NAV1: variants seen among roughly 807,000 people sequenced by gnomAD.
NAV1 encodes the protein neuron navigator 1.
NAV1 carries 18 observed loss-of-function variants against 175.2 expected under a neutral mutation model. The observed-to-expected ratio is 0.10, with a 90% CI of 0.07 to 0.15. NAV1 has a LOEUF of 0.15. Ranked by LOEUF, NAV1 falls within the 10% of genes least tolerant of loss-of-function variation. NAV1 has a pLI of 1.00. For synonymous variants in NAV1, 897 were observed against 978.7 expected, an observed-to-expected ratio of 0.92 and a Z score of 1.56; for missense variants, 1,731 against 2,436.6, an observed-to-expected ratio of 0.71 and a Z score of 6.10.
At chr1:201,643,307 TTTTC>T (rs371103162), upstream of NAV1, among the ~76,000 whole-genome samples, 279 of 147,722 alleles carry the variant, frequency 1.9e-3, 1 homozygote, top group South Asian at 4.3e-3. Context: ...TTCTCTTTCT[TTTTC>T]TTTCTTTCTT....
At chr1:201,611,391 T>G (rs138034517) in intron 2 of NAV1, among the ~76,000 whole-genome samples, 3,957 of 152,288 alleles carry the variant, frequency 0.026, 95 homozygotes, top group Admixed American at 0.039. Context: ...TGGCAGAGAT[T>G]AGAGGCTGGA....
intron 1 of NAV1, among the ~76,000 whole-genome samples, chr1:201,578,127 T>C (rs1666745966): frequency 6.6e-6 from 1 of 152,204 alleles, no homozygotes; most frequent in Non-Finnish European, 1.5e-5. Context: ...AACACGAAAG[T>C]TAGATCTTTT....
chr1:201,815,940 G>C (rs1295331646), intron 28 of NAV1, among the ~76,000 whole-genome samples: 1 of 152,010 alleles, frequency 6.6e-6, no homozygotes, highest in Non-Finnish European at 1.5e-5. Flanking sequence ...GTTTCTCCTT[G>C]TTGGTCAGGC....
At chr1:201,818,143 T>C (rs573158451) in intron 29 of NAV1, among the ~76,000 whole-genome samples, 1 of 152,198 alleles carries the variant, frequency 6.6e-6, no homozygotes, top group East Asian at 1.9e-4. Context: ...GGTGGGAGAT[T>C]GCTTGAGCCT....
At chr1:201,635,635 G>A (rs1014752684) in intron 2 of NAV1, among the ~76,000 whole-genome samples, 1 of 152,120 alleles carries the variant, frequency 6.6e-6, no homozygotes, top group Non-Finnish European at 1.5e-5. Context: ...ACCCCCCTTC[G>A]CCCTGAGTGC....
chr1:201,649,170 C>G lies in NAV1; in HGVS notation c.502C>G (p.Leu168Val), dbSNP rs754578567. The change falls in exon 1 of 30, where the codon CTG (leucine) becomes GTG (valine). Residue 168 changes from leucine to valine, a missense_variant. By Grantham distance (32) the Leu-to-Val change is conservative. Coordinates refer to ENST00000367296, the Ensembl canonical transcript of NAV1. ...CCCCCTGGCTCCGCTCGCGCCCAAC[C>G]TGGGAAAGCCGAGCCGGATCCCTCG... is the stretch of plus-strand genomic sequence containing the variant. 3.7e-6 allele frequency: 6 copies of G among 1,612,120 alleles called. No individual in the cohort carries two copies. In the South Asian group the frequency reaches 6.6e-5, roughly 18 times the overall value.
At chr1:201,555,777 G>C (rs1483660620) in intron 1 of NAV1, among the ~76,000 whole-genome samples, 1 of 150,444 alleles carries the variant, frequency 6.6e-6, no homozygotes, top group Non-Finnish European at 1.5e-5. Context: ...GTTTCCGAAA[G>C]AGAGGCCAGA....
chr1:201,595,762 C>T (rs1178648207), intron 2 of NAV1, among the ~76,000 whole-genome samples: 2 of 152,176 alleles, frequency 1.3e-5, no homozygotes, highest in African/African-American at 2.4e-5. Flanking sequence ...GCCTCCTGGC[C>T]GAGTTGAAAG....
intron 1 of NAV1, among the ~76,000 whole-genome samples, chr1:201,549,782 G>A (rs991765972): frequency 4.6e-5 from 7 of 150,634 alleles, no homozygotes; most frequent in Middle Eastern, 3.6e-3. Flanking sequence ...AGGCTGAAGC[G>A]GGCAGATCAT....
intron 1 of NAV1, among the ~76,000 whole-genome samples, chr1:201,553,166 G>A (rs508981): frequency 0.035 from 5,278 of 152,312 alleles, 159 homozygotes; most frequent in African/African-American, 0.081. Flanking sequence ...TGATAAACTC[G>A]AGGCTTGTGA....
chr1:201,657,399 T>C (rs1322213169), intron 1 of NAV1, among the ~76,000 whole-genome samples: 2 of 152,264 alleles, frequency 1.3e-5, no homozygotes, highest in African/African-American at 4.8e-5. Context: ...TGCTTACAGA[T>C]GAAGCTAGCC....
intron 2 of NAV1, among the ~76,000 whole-genome samples, chr1:201,597,853 C>T (rs1294798391): frequency 6.6e-6 from 1 of 152,252 alleles, no homozygotes; most frequent in Non-Finnish European, 1.5e-5. Flanking sequence ...GGCCCCTCCC[C>T]TGTGAGGTGT....
At chr1:201,654,651 A>G (rs999489740) in intron 1 of NAV1, among the ~76,000 whole-genome samples, 8 of 152,170 alleles carry the variant, frequency 5.3e-5, no homozygotes, top group Non-Finnish European at 7.4e-5. Flanking sequence ...GCACACTGCA[A>G]TGTCTTCCTG....
At chr1:201,570,439 G>A (rs17469493) in intron 1 of NAV1, among the ~76,000 whole-genome samples, 1 of 152,218 alleles carries the variant, frequency 6.6e-6, no homozygotes, top group Non-Finnish European at 1.5e-5. Context: ...GTCTGCAGAT[G>A]GGAAAGGGCT....
chr1:201,725,552 G>C (rs1672568542), intron 3 of NAV1, among the ~76,000 whole-genome samples: 1 of 152,160 alleles, frequency 6.6e-6, no homozygotes, highest in Non-Finnish European at 1.5e-5. Flanking sequence ...TGAGACAAGA[G>C]GATCACTTGA....
intron 1 of NAV1, among the ~76,000 whole-genome samples, chr1:201,701,430 A>T (rs959132328): frequency 3.5e-4 from 4 of 11,486 alleles, no homozygotes; most frequent in Non-Finnish European, 6.8e-4. Context: ...ATAAAAAAAG[A>T]AAAAGAAAAA....
Position 201,713,026 on chromosome 1 carries a change from A to C in NAV1, c.860+107A>C, listed in dbSNP as rs1180154531. On this transcript the variant is annotated intron_variant, in intron 2 of 29. Coordinates refer to ENST00000367296, the Ensembl canonical transcript of NAV1. ...CCTCCACACCTCTGCCAGGTCAGCCAGGTGGCCTGATGCGTGGAGCCACTG... is the reference window on the plus strand; with the variant it reads ...CCTCCACACCTCTGCCAGGTCAGCCCGGTGGCCTGATGCGTGGAGCCACTG... The C allele has an allele frequency of 7.9e-6, 6 of 755,324 alleles. No homozygotes were observed. In the East Asian group the frequency reaches 1.3e-4, roughly 16 times the overall value. 46.8% of individuals were successfully genotyped at this position (755,324 alleles called of 1,614,324 possible). A position where few individuals can be genotyped will look rare whatever the true frequency, so the allele number is the denominator to read the frequency against.
chr1:201,667,784 A>C (rs1669885279), intron 1 of NAV1, among the ~76,000 whole-genome samples: 1 of 152,198 alleles, frequency 6.6e-6, no homozygotes, highest in Admixed American at 6.5e-5. Context: ...TCCCACATAC[A>C]GAGACTCACA....
At chr1:201,597,339 T>TCAGGATTCA (rs1667378698) in intron 2 of NAV1, among the ~76,000 whole-genome samples, 2 of 152,200 alleles carry the variant, frequency 1.3e-5, no homozygotes, top group African/African-American at 4.8e-5. Flanking sequence ...CCAGCATTTC[T>TCAGGATTCA]CAGGATTCAC....
Sources: gnomAD v4.1 joint callset for allele counts (sites outside exome capture counted in the v4.1 genomes callset) on GRCh38, gnomAD v4.1.1 for gene constraint, MANE v1.5 for transcripts, NCBI Gene and HGNC (gene_info 2026-07-23, HGNC 2026-07-21) for gene names.